The following WWOX variants were observed in gnomAD, a reference collection of about 807,000 sequenced individuals.
WWOX encodes WW domain-containing oxidoreductase.
A neutral mutation model predicts 46.2 loss-of-function variants in WWOX; 69 were observed. That is an observed-to-expected ratio of 1.49 (90% CI 1.23 to 1.82). The LOEUF (loss-of-function observed/expected upper bound fraction) is 1.82, where lower values mean the gene tolerates loss of function less well. WWOX is among the 40% of genes most tolerant of loss of function. The probability of loss-of-function intolerance (pLI) is 0.00; values close to 1 mark genes in which losing one functional copy is unlikely to be tolerated. For synonymous variants in WWOX, 359 were observed against 202.6 expected (o/e 1.77, Z -6.56); for missense variants, 919 against 542.6 (o/e 1.69, Z -6.89).
chr16:79,083,968 G>T (rs975883309), intron 8 of WWOX, among the ~76,000 whole-genome samples: 1 of 152,084 alleles, frequency 6.6e-6, no homozygotes, highest in South Asian at 2.1e-4. Context: ...TCTGACTCCC[G>T]ATCGGAGCCC....
chr16:78,221,044 G>C (rs2036870596), intron 5 of WWOX, among the ~76,000 whole-genome samples: 1 of 152,038 alleles, frequency 6.6e-6, no homozygotes, highest in Admixed American at 6.5e-5. Flanking sequence ...TCTTTAAGTA[G>C]GTGAATCTTG....
rs564256233 is a variant in WWOX, at chr16:78,360,223, C to T, written c.517-26637C>T. Among the ~76,000 whole-genome samples, 9 of 152,294 alleles carry T rather than the reference C, an allele frequency of 5.9e-5. No individual in the cohort carries two copies. In the East Asian group the frequency reaches 1.5e-3, roughly 26 times the overall value. On this transcript the variant is annotated intron_variant, in intron 5 of 8. Transcript: ENST00000566780. ...GATATTGTGAGGACATCCACCTGCT[C>T]TAAGGGACAGCCATTTCACTGGTGT... is the stretch of plus-strand genomic sequence containing the variant.
At chr16:78,230,819 A>G (rs1342073932) in intron 5 of WWOX, among the ~76,000 whole-genome samples, 1 of 152,346 alleles carries the variant, frequency 6.6e-6, no homozygotes, top group East Asian at 1.9e-4. Flanking sequence ...ACCTATCACA[A>G]TATGTGTTCT....
At chr16:78,598,125 T>C (rs1410572657) in intron 8 of WWOX, among the ~76,000 whole-genome samples, 1 of 152,214 alleles carries the variant, frequency 6.6e-6, no homozygotes, top group Non-Finnish European at 1.5e-5. Context: ...TAGGGAATCA[T>C]GGATTTTCTA....
chr16:79,079,370 G>A (rs1234001146), intron 8 of WWOX, among the ~76,000 whole-genome samples: 2 of 152,032 alleles, frequency 1.3e-5, no homozygotes, highest in African/African-American at 4.8e-5. Context: ...TATGACAGAA[G>A]TGTCACCCAT....
chr16:79,022,785 C>T (rs1328706371), intron 8 of WWOX, among the ~76,000 whole-genome samples: 1 of 152,192 alleles, frequency 6.6e-6, no homozygotes, highest in Non-Finnish European at 1.5e-5. Context: ...AGCGGCTTTG[C>T]TCAGAAGCAC....
At chr16:79,113,943 C>G (rs1048771743) in intron 8 of WWOX, among the ~76,000 whole-genome samples, 3 of 152,148 alleles carry the variant, frequency 2.0e-5, no homozygotes, top group Admixed American at 6.5e-5. Flanking sequence ...GTCCTAAGGC[C>G]CAGCCACAAC....
At chr16:79,102,071 G>A (rs1198042400) in intron 8 of WWOX, among the ~76,000 whole-genome samples, 1 of 127,144 alleles carries the variant, frequency 7.9e-6, no homozygotes, top group Non-Finnish European at 1.7e-5. Flanking sequence ...AGGGGGGGAG[G>A]GGGTGTGGGG....
At chr16:79,179,032 G>A (rs2050857877) in intron 8 of WWOX, among the ~76,000 whole-genome samples, 1 of 152,158 alleles carries the variant, frequency 6.6e-6, no homozygotes, top group Non-Finnish European at 1.5e-5. Flanking sequence ...TGCTAAACCT[G>A]GCCCTGCCTC....
intron 8 of WWOX, among the ~76,000 whole-genome samples, chr16:78,497,081 G>A (rs917244000): frequency 4.6e-5 from 7 of 152,340 alleles, no homozygotes; most frequent in South Asian, 2.1e-4. Flanking sequence ...GGCCCAAGCC[G>A]TCTATTGTAT....
intron 8 of WWOX, among the ~76,000 whole-genome samples, chr16:78,724,277 T>C (rs986088199): frequency 6.6e-6 from 1 of 152,172 alleles, no homozygotes; most frequent in African/African-American, 2.4e-5. Context: ...AAGCCCCATT[T>C]GGTAAAATAC....
intron 5 of WWOX, among the ~76,000 whole-genome samples, chr16:78,372,138 G>C (rs1459402950): frequency 2.0e-5 from 3 of 152,194 alleles, no homozygotes; most frequent in Admixed American, 2.0e-4. Context: ...AGGGATTTTT[G>C]TGAACAGCTG....
intron 8 of WWOX, among the ~76,000 whole-genome samples, chr16:78,952,169 C>T (rs142331265): frequency 6.6e-6 from 1 of 152,048 alleles, no homozygotes; most frequent in African/African-American, 2.4e-5. Flanking sequence ...TGGCTTCCTG[C>T]AGTTGCCCTC....
At chr16:78,891,508 C>A (rs927199903) in intron 8 of WWOX, 2 of 152,156 alleles carry the variant, frequency 1.3e-5, no homozygotes, top group Non-Finnish European at 2.9e-5. Context: ...ACCCATGCAG[C>A]AATTATAAAT....
At chr16:78,286,286 C>T (rs1164404275) in intron 5 of WWOX, among the ~76,000 whole-genome samples, 1 of 152,172 alleles carries the variant, frequency 6.6e-6, no homozygotes, top group Non-Finnish European at 1.5e-5. Flanking sequence ...TGCTGCTGTA[C>T]CATATGGTTG....
chr16:78,443,535 C>G (rs1195364934), intron 8 of WWOX, among the ~76,000 whole-genome samples: 2 of 152,116 alleles, frequency 1.3e-5, no homozygotes, highest in Non-Finnish European at 2.9e-5. Flanking sequence ...GGCTGGAGCA[C>G]CTCATCAATG....
chr16:78,412,690 G>A (rs1404242454), intron 6 of WWOX, among the ~76,000 whole-genome samples: 1 of 152,182 alleles, frequency 6.6e-6, no homozygotes, highest in Admixed American at 6.5e-5. Flanking sequence ...AGTCTTAGCA[G>A]AGAGGAGGTT....
At chr16:78,662,334 A>C (rs2047233850) in intron 8 of WWOX, among the ~76,000 whole-genome samples, 1 of 152,356 alleles carries the variant, frequency 6.6e-6, no homozygotes, top group South Asian at 2.1e-4. Context: ...TCATCTGCAT[A>C]TACAGGACTG....
intron 8 of WWOX, among the ~76,000 whole-genome samples, chr16:78,501,558 A>G (rs2245206): frequency 0.72 from 107,912 of 149,840 alleles, 43,329 homozygotes; most frequent in Non-Finnish European, 0.9. Flanking sequence ...TTTTTTTGAG[A>G]TGGAGTCTTC....
Sources: gnomAD v4.1 joint callset for allele counts (sites outside exome capture counted in the v4.1 genomes callset) on GRCh38, gnomAD v4.1.1 for gene constraint, MANE v1.5 for transcripts, NCBI Gene and HGNC (gene_info 2026-07-23, HGNC 2026-07-21) for gene names.